BRINP3: variants seen among roughly 807,000 people sequenced by gnomAD.
BRINP3 encodes the protein BMP/retinoic acid inducible neural specific 3.
BRINP3 carries 19 observed loss-of-function variants against 71.0 expected under a neutral mutation model. The observed-to-expected ratio is 0.27, with a 90% CI of 0.19 to 0.39. The LOEUF (loss-of-function observed/expected upper bound fraction) is 0.39. Ranked by LOEUF, BRINP3 falls within the 10% of genes least tolerant of loss-of-function variation. The pLI is 1.00. For missense variants in BRINP3, 959 were observed against 940.8 expected, an observed-to-expected ratio of 1.02 and a Z score of -0.25; for synonymous variants, 380 against 337.7, an observed-to-expected ratio of 1.13 and a Z score of -1.37.
intron 2 of BRINP3, among the ~76,000 whole-genome samples, chr1:190,326,921 C>T (rs1337851114): frequency 6.6e-6 from 1 of 151,442 alleles, no homozygotes; most frequent in African/African-American, 2.4e-5. Flanking sequence ...CAGCTAAGAA[C>T]TTCACAATAG....
chr1:190,373,211 G>A (rs192238901), intron 2 of BRINP3, among the ~76,000 whole-genome samples: 13 of 152,074 alleles, frequency 8.5e-5, no homozygotes, highest in East Asian at 5.8e-4. Flanking sequence ...CTAACATGGC[G>A]AAACCCCGTT....
intron 2 of BRINP3, among the ~76,000 whole-genome samples, chr1:190,295,810 T>C (rs1664205071): frequency 6.6e-6 from 1 of 152,122 alleles, no homozygotes; most frequent in South Asian, 2.1e-4. Context: ...CACACTGCTC[T>C]CCCTGGTATC....
At chr1:190,325,815 T>C (rs2103064289) in intron 2 of BRINP3, among the ~76,000 whole-genome samples, 1 of 152,242 alleles carries the variant, frequency 6.6e-6, no homozygotes, top group South Asian at 2.1e-4. Flanking sequence ...ATAACAATTA[T>C]AAAATGATTT....
intron 2 of BRINP3, among the ~76,000 whole-genome samples, chr1:190,447,085 G>A (rs1254252749): frequency 6.6e-6 from 1 of 151,672 alleles, no homozygotes; most frequent in Non-Finnish European, 1.5e-5. Flanking sequence ...AGGGACATGA[G>A]GGGCAAACAA....
chr1:190,440,481 T>A (rs757340744), intron 2 of BRINP3, among the ~76,000 whole-genome samples: 1 of 151,858 alleles, frequency 6.6e-6, no homozygotes, highest in African/African-American at 2.4e-5. Context: ...ATCCTACATA[T>A]CAACATTATC....
chr1:190,474,738 C>G (rs914801423), intron 1 of BRINP3: 2 of 152,142 alleles, frequency 1.3e-5, no homozygotes. Flanking sequence ...ATCACGTTCT[C>G]GACCTGGTGC....
chr1:190,203,611 C>T (rs533096565), intron 6 of BRINP3, among the ~76,000 whole-genome samples: 2 of 149,364 alleles, frequency 1.3e-5, no homozygotes, highest in South Asian at 2.1e-4. Flanking sequence ...TTTTAAAATG[C>T]TGGAAAGTTC....
chr1:190,363,574 A>G (rs188014703), intron 2 of BRINP3, among the ~76,000 whole-genome samples: 42 of 152,250 alleles, frequency 2.8e-4, no homozygotes, highest in Middle Eastern at 6.8e-3. Flanking sequence ...TAGAGTGACT[A>G]TAAGGAGGGG....
At chr1:190,300,868 A>G (rs555102593) in intron 2 of BRINP3, among the ~76,000 whole-genome samples, 45 of 152,082 alleles carry the variant, frequency 3.0e-4, no homozygotes, top group African/African-American at 8.0e-4. Flanking sequence ...AAAGCAGAGC[A>G]CCTCTCCTCC....
At chr1:190,183,337 A>C (rs1339782721) in intron 6 of BRINP3, among the ~76,000 whole-genome samples, 1 of 152,076 alleles carries the variant, frequency 6.6e-6, no homozygotes, top group African/African-American at 2.4e-5. Context: ...AAAAAAATTA[A>C]ATTTGGGAAT....
intron 2 of BRINP3, among the ~76,000 whole-genome samples, chr1:190,379,240 T>A (rs1401568107): frequency 2.0e-5 from 3 of 152,170 alleles, no homozygotes; most frequent in African/African-American, 7.2e-5. Flanking sequence ...TTCAGACATT[T>A]ATGAATTAAA....
intron 2 of BRINP3, among the ~76,000 whole-genome samples, chr1:190,394,586 T>C (rs1671451805): frequency 6.6e-6 from 1 of 151,490 alleles, no homozygotes; most frequent in African/African-American, 2.4e-5. Flanking sequence ...CCTTAAAATA[T>C]CACATATCTA....
chr1:190,438,763 G>A (rs1674630690), intron 2 of BRINP3, among the ~76,000 whole-genome samples: 1 of 151,738 alleles, frequency 6.6e-6, no homozygotes. Context: ...TAAGGAGAAA[G>A]GCACTAACCA....
At chr1:190,299,348 T>C (rs1664495278) in intron 2 of BRINP3, among the ~76,000 whole-genome samples, 1 of 151,760 alleles carries the variant, frequency 6.6e-6, no homozygotes, top group Non-Finnish European at 1.5e-5. Context: ...CTTTCTTTTG[T>C]TTCTGTTTTC....
At chr1:190,241,701 T>C (rs909984165) in intron 4 of BRINP3, among the ~76,000 whole-genome samples, 1 of 152,016 alleles carries the variant, frequency 6.6e-6, no homozygotes, top group Non-Finnish European at 1.5e-5. Flanking sequence ...TATTCTTATA[T>C]TACTTCCCAC....
chr1:190,114,312 C>A (rs937519389), intron 7 of BRINP3, among the ~76,000 whole-genome samples: 1 of 152,122 alleles, frequency 6.6e-6, no homozygotes, highest in African/African-American at 2.4e-5. Context: ...CCTGCAGAAC[C>A]ATGAGCCAAT....
chr1:190,274,284 A>G (rs1662359548), intron 3 of BRINP3, among the ~76,000 whole-genome samples: 5 of 151,328 alleles, frequency 3.3e-5, no homozygotes, highest in African/African-American at 1.2e-4. Flanking sequence ...GACTCTTATG[A>G]GTTGGATGTA....
chr1:190,329,989 G>A lies in BRINP3; in HGVS notation c.237-48239C>T, dbSNP rs570023861. 1.5e-4 allele frequency among the ~76,000 whole-genome samples: 23 copies of A among 151,856 alleles called. No individual in the cohort carries two copies. In the East Asian group the frequency reaches 3.5e-3, roughly 23 times the overall value. On this transcript the variant is annotated intron_variant, in intron 2 of 7. Coordinates refer to ENST00000367462, the MANE Select transcript of BRINP3 (RefSeq NM_199051.3). ...TTCATCATAAAAAAAAAGCCTCAAC[G>A]TGGATTAAAAATTAAAATATAAGAT...
At chr1:190,237,603 C>T (rs1281450514) in intron 4 of BRINP3, among the ~76,000 whole-genome samples, 1 of 151,844 alleles carries the variant, frequency 6.6e-6, no homozygotes, top group African/African-American at 2.4e-5. Flanking sequence ...TTATATGTTT[C>T]CCCTATCCTT....
Sources: gnomAD v4.1 joint callset for allele counts (sites outside exome capture counted in the v4.1 genomes callset) on GRCh38, gnomAD v4.1.1 for gene constraint, MANE v1.5 for transcripts, NCBI Gene and HGNC (gene_info 2026-07-23, HGNC 2026-07-21) for gene names.